Variants in TDRD3 observed in about 807,000 individuals in gnomAD.
The protein encoded by TDRD3 is tudor domain-containing protein 3.
TDRD3 carries 45 observed loss-of-function variants against 86.7 expected under a neutral mutation model. That is an observed-to-expected ratio of 0.52 (90% CI 0.41 to 0.67). The LOEUF (loss-of-function observed/expected upper bound fraction) is 0.67. Ranked by LOEUF, TDRD3 falls within the 30% of genes least tolerant of loss-of-function variation. The pLI, the probability that TDRD3 is intolerant of heterozygous loss-of-function variation, is 0.00. For missense variants in TDRD3, 814 were observed against 889.0 expected (o/e 0.92, Z 1.07); for synonymous variants, 298 against 301.7 (o/e 0.99, Z 0.13).
intron 7 of TDRD3, among the ~76,000 whole-genome samples, chr13:60,489,419 G>T (rs1290726014): frequency 6.6e-6 from 1 of 152,108 alleles, no homozygotes; most frequent in African/African-American, 2.4e-5. Context: ...CTTGAATTTT[G>T]GTTGTTCTTC....
intron 5 of TDRD3, among the ~76,000 whole-genome samples, chr13:60,478,722 T>A (rs1402733241): frequency 6.6e-6 from 1 of 152,146 alleles, no homozygotes; most frequent in Non-Finnish European, 1.5e-5. Context: ...TTATTTCTTT[T>A]CTTCTGCTAG....
intron 2 of TDRD3, among the ~76,000 whole-genome samples, chr13:60,441,780 C>T (rs1381933834): frequency 6.6e-6 from 1 of 152,028 alleles, no homozygotes. Context: ...GAGCTTGTTC[C>T]TTTATCTGAC....
rs765661501 is a variant in TDRD3 at position 60,494,590 on chromosome 13, C to G, written c.858+15C>G. On this transcript the variant is annotated intron_variant, in intron 8 of 13. Transcript: ENST00000377881. ...ATAGAGAACTGGTAAGGCTAAAGAA[C>G]TAACCACAAATTTAAAGTGTTATTT... 5 of 1,602,754 alleles carry G rather than the reference C, an allele frequency of 3.1e-6. No individual in the cohort carries two copies. The highest frequency in any genetic ancestry group is 2.6e-6 in the Non-Finnish European group (3 of 1,175,458).
chr13:60,447,373 A>G (rs1398366821), intron 3 of TDRD3, among the ~76,000 whole-genome samples: 2 of 152,156 alleles, frequency 1.3e-5, no homozygotes, highest in African/African-American at 4.8e-5. Flanking sequence ...TTCATAAGTC[A>G]GTTAATCTTG....
chr13:60,502,695 G>T (rs1275829607), intron 8 of TDRD3, among the ~76,000 whole-genome samples: 1 of 152,116 alleles, frequency 6.6e-6, no homozygotes, highest in Non-Finnish European at 1.5e-5. Context: ...GGTCCTGTTA[G>T]AAAGTGACAT....
intron 5 of TDRD3, among the ~76,000 whole-genome samples, chr13:60,476,767 C>T (rs1027106054): frequency 1.3e-5 from 2 of 151,970 alleles, no homozygotes; most frequent in African/African-American, 4.8e-5. Flanking sequence ...TTGTAGAGAT[C>T]TTTCGCCTCT....
intron 7 of TDRD3, among the ~76,000 whole-genome samples, chr13:60,489,165 T>C (rs1039569561): frequency 2.0e-5 from 3 of 152,218 alleles, no homozygotes; most frequent in African/African-American, 7.2e-5. Flanking sequence ...CTCTCTCTTA[T>C]ATTATTGATA....
intron 13 of TDRD3, among the ~76,000 whole-genome samples, chr13:60,570,703 C>T (rs1283475660): frequency 6.6e-6 from 1 of 152,130 alleles, no homozygotes; most frequent in Non-Finnish European, 1.5e-5. Flanking sequence ...TTCTTCAGGG[C>T]TGTTGAAGGC....
chr13:60,526,879 G>C (rs1957450061), intron 10 of TDRD3, among the ~76,000 whole-genome samples: 1 of 151,780 alleles, frequency 6.6e-6, no homozygotes, highest in South Asian at 2.1e-4. Flanking sequence ...CTGTCACCCA[G>C]GCTGGAGAGC....
intron 10 of TDRD3, among the ~76,000 whole-genome samples, chr13:60,528,031 G>C (rs1293349558): frequency 2.0e-5 from 3 of 152,156 alleles, no homozygotes; most frequent in African/African-American, 7.2e-5. Flanking sequence ...TTCTGAGTTA[G>C]CAATTTGCAG....
At chr13:60,454,416 A>T (rs1015332008) in intron 3 of TDRD3, among the ~76,000 whole-genome samples, 6 of 151,740 alleles carry the variant, frequency 4.0e-5, no homozygotes, top group African/African-American at 1.5e-4. Context: ...ATATTTCTCA[A>T]TCTTCGTAGC....
intron 1 of TDRD3, among the ~76,000 whole-genome samples, chr13:60,405,786 G>T (rs559114685): frequency 1.3e-5 from 2 of 152,164 alleles, no homozygotes; most frequent in African/African-American, 4.8e-5. Context: ...TGATGTGAGG[G>T]TTATGGTGGG....
At chr13:60,515,359 G>A (rs1193060465) in intron 10 of TDRD3, among the ~76,000 whole-genome samples, 3 of 152,114 alleles carry the variant, frequency 2.0e-5, no homozygotes, top group Non-Finnish European at 2.9e-5. Context: ...GGACCTGATT[G>A]CACCATTACT....
chr13:60,524,112 C>A (rs1957351760), intron 10 of TDRD3, among the ~76,000 whole-genome samples: 1 of 152,104 alleles, frequency 6.6e-6, no homozygotes, highest in Non-Finnish European at 1.5e-5. Context: ...AGTTTAGAAT[C>A]ATGATGCCTT....
At chr13:60,405,235 C>T (rs989043251) in intron 1 of TDRD3, among the ~76,000 whole-genome samples, 1 of 152,136 alleles carries the variant, frequency 6.6e-6, no homozygotes, top group Non-Finnish European at 1.5e-5. Flanking sequence ...TCCCAGAGTC[C>T]TGGGATTACA....
intron 12 of TDRD3, among the ~76,000 whole-genome samples, chr13:60,558,239 T>C (rs995448550): frequency 6.6e-6 from 1 of 152,220 alleles, no homozygotes; most frequent in Admixed American, 6.5e-5. Context: ...TTAAAAGCAT[T>C]CTGGCATTAT....
chr13:60,489,155 C>T (rs1214203996), intron 7 of TDRD3, among the ~76,000 whole-genome samples: 1 of 152,066 alleles, frequency 6.6e-6, no homozygotes, highest in Non-Finnish European at 1.5e-5. Context: ...CAACAAACCC[C>T]TCTCTCTTAT....
intron 1 of TDRD3, among the ~76,000 whole-genome samples, chr13:60,411,556 G>T (rs988075274): frequency 2.6e-5 from 4 of 152,190 alleles, no homozygotes; most frequent in Non-Finnish European, 5.9e-5. Flanking sequence ...TTGAAGGCTA[G>T]GCTGATGTAA....
chr13:60,510,635 G>C lies in TDRD3; in HGVS notation c.1021G>C (p.Gly341Arg). 1 of 1,597,410 alleles carries C rather than the reference G, an allele frequency of 6.3e-7. No individual in the cohort carries two copies. Among genetic ancestry groups the C allele is most frequent in the Non-Finnish European group, 8.5e-7 (1 of 1,172,490 alleles). ...TCTTGCTTTTGCATCTAAAGGTAGA[G>C]GAAAAGGCAGGGGGCGAATAAGATC... ...PVMGPPLRGR[G>R]KGRGRIRSED... The change falls in exon 10 of 14, where the codon GGA (glycine) becomes CGA (arginine). Residue 341 changes from glycine (G) to arginine (R), a missense_variant. Physicochemically the swap from Gly to Arg is moderately radical, Grantham distance 125. Transcript: ENST00000377881.
Sources: gnomAD v4.1 joint callset for allele counts (sites outside exome capture counted in the v4.1 genomes callset) on GRCh38, gnomAD v4.1.1 for gene constraint, MANE v1.5 for transcripts, NCBI Gene and HGNC (gene_info 2026-07-23, HGNC 2026-07-21) for gene names.